The following FRMD4A variants were observed in gnomAD, a reference collection of about 807,000 sequenced individuals.
The protein encoded by FRMD4A is FERM domain containing 4A, also known as FERM domain-containing protein 4A.
Under a neutral mutation model 129.1 loss-of-function variants are expected in FRMD4A, and 29 were observed. The ratio of observed to expected loss-of-function variants is 0.22; its 90% CI spans 0.17 to 0.31. The LOEUF (loss-of-function observed/expected upper bound fraction) is 0.31. Ranked by LOEUF, FRMD4A falls within the 10% of genes least tolerant of loss-of-function variation. FRMD4A has a pLI of 1.00. For synonymous variants in FRMD4A, 634 were observed against 571.6 expected (o/e 1.11, Z -1.56); for missense variants, 1,272 against 1,375.8 (o/e 0.92, Z 1.19).
chr10:13,747,633 G>A lies in FRMD4A; in HGVS notation c.548+103C>T, dbSNP rs1427364179. The A allele has an allele frequency of 8.9e-5, 59 of 665,912 alleles. No individual in the cohort carries two copies. The South Asian group carries it at 1.0e-3, about 12-fold the overall frequency. 41.3% of individuals were successfully genotyped at this position (665,912 alleles called of 1,614,324 possible). ...GTACTTAATACAGCTGCAAGTCCAGGCTGGCACGTGGGAGCTGGTGGAGGG... is the reference window on the plus strand; with the variant it reads ...GTACTTAATACAGCTGCAAGTCCAGACTGGCACGTGGGAGCTGGTGGAGGG... On this transcript the variant is annotated intron_variant, in intron 9 of 24. Coordinates refer to ENST00000357447, the MANE Select transcript of FRMD4A (RefSeq NM_018027.5).
intron 6 of FRMD4A, among the ~76,000 whole-genome samples, chr10:13,775,804 C>G (rs559376024): frequency 2.6e-5 from 4 of 152,130 alleles, no homozygotes; most frequent in Non-Finnish European, 5.9e-5. Context: ...CAAAGAGGAA[C>G]GAGAACTACC....
intron 2 of FRMD4A, among the ~76,000 whole-genome samples, chr10:14,000,589 G>A (rs1275379206): frequency 8.5e-6 from 1 of 117,450 alleles, no homozygotes; most frequent in African/African-American, 3.2e-5. Flanking sequence ...GGAGGTTGCA[G>A]TAAGCTAAAA....
intron 2 of FRMD4A, among the ~76,000 whole-genome samples, chr10:14,282,624 T>C (rs1488630460): frequency 9.3e-4 from 1 of 1,080 alleles, no homozygotes; most frequent in Non-Finnish European, 1.7e-3. Context: ...TCTGAAAAAG[T>C]GTGGGGGACC....
intron 2 of FRMD4A, among the ~76,000 whole-genome samples, chr10:14,258,676 T>C (rs995226319): frequency 3.3e-5 from 5 of 152,216 alleles, no homozygotes; most frequent in African/African-American, 9.6e-5. Context: ...AGGTATTTAC[T>C]TAAAAATGAA....
chr10:14,062,975 G>A (rs1834883935), intron 2 of FRMD4A, among the ~76,000 whole-genome samples: 1 of 152,194 alleles, frequency 6.6e-6, no homozygotes, highest in South Asian at 2.1e-4. Context: ...TTTGCCTATA[G>A]AGACAAAATG....
At chr10:13,999,991 T>C (rs551684323) in intron 2 of FRMD4A, among the ~76,000 whole-genome samples, 1 of 152,364 alleles carries the variant, frequency 6.6e-6, no homozygotes, top group East Asian at 1.9e-4. Context: ...CACTTGTTTA[T>C]CCTATCTTTA....
chr10:13,695,768 C>G (rs11258533), intron 14 of FRMD4A, among the ~76,000 whole-genome samples: 1 of 152,078 alleles, frequency 6.6e-6, no homozygotes, highest in African/African-American at 2.4e-5. Flanking sequence ...GGCATGGGGG[C>G]GGTGGTGAAG....
chr10:13,728,859 A>C (rs1014479538), intron 12 of FRMD4A, among the ~76,000 whole-genome samples: 65 of 152,196 alleles, frequency 4.3e-4, no homozygotes, highest in Non-Finnish European at 7.9e-4. Context: ...GGTGTGAGCC[A>C]CCGTGCCCAG....
chr10:13,840,715 G>T (rs751260980), intron 3 of FRMD4A, among the ~76,000 whole-genome samples: 19 of 146,552 alleles, frequency 1.3e-4, no homozygotes, highest in Non-Finnish European at 2.2e-4. Context: ...TTGAACCCAG[G>T]GGGTGGAGGT....
chr10:13,706,582 C>T lies in FRMD4A; in HGVS notation c.836+455G>A, dbSNP rs574377287. ...AGCACAACTGCTTTGGTGACAAATT[C>T]ATTTTCGCATTGACCGTCCTGCCTG... On this transcript the variant is annotated intron_variant, in intron 13 of 24. Coordinates refer to ENST00000357447, the MANE Select transcript of FRMD4A (RefSeq NM_018027.5). Among the ~76,000 whole-genome samples, 7 of 152,292 alleles carry T rather than the reference C, an allele frequency of 4.6e-5. No homozygotes were observed. The South Asian group carries it at 1.5e-3, about 32-fold the overall frequency.
intron 6 of FRMD4A, among the ~76,000 whole-genome samples, chr10:13,780,436 G>T (rs2092705818): frequency 6.6e-6 from 1 of 152,138 alleles, no homozygotes; most frequent in Admixed American, 6.6e-5. Flanking sequence ...AGGCATTTTG[G>T]GTCATCCCAC....
intron 2 of FRMD4A, among the ~76,000 whole-genome samples, chr10:14,089,640 C>CAAAAA (rs759243260): frequency 4.3e-5 from 3 of 70,274 alleles, no homozygotes; most frequent in South Asian, 4.3e-4. Flanking sequence ...CAAAAAAAAA[C>CAAAAA]AAACAAAAAA....
intron 2 of FRMD4A, among the ~76,000 whole-genome samples, chr10:14,153,460 C>T (rs1840441756): frequency 6.6e-6 from 1 of 152,136 alleles, no homozygotes; most frequent in African/African-American, 2.4e-5. Flanking sequence ...ACAGATGGAG[C>T]CACAGGAACC....
intron 2 of FRMD4A, among the ~76,000 whole-genome samples, chr10:14,308,778 TC>T (rs34488118): frequency 0.04 from 6,020 of 152,216 alleles, 151 homozygotes; most frequent in Non-Finnish European, 0.058. Flanking sequence ...TACAAACCAG[TC>T]CCCCATAATC....
At chr10:13,670,580 T>C in intron 16 of FRMD4A, 52 bp from the exon 17 acceptor site, 1 of 1,597,804 alleles carries the variant, frequency 6.3e-7, no homozygotes, top group Non-Finnish European at 8.6e-7. Context: ...GTGGGGCGTG[T>C]CTGCTTCCTA....
intron 21 of FRMD4A, 92 bp from the exon 22 acceptor site, chr10:13,657,614 G>C (rs977714364): frequency 7.0e-7 from 1 of 1,435,846 alleles, no homozygotes; most frequent in Non-Finnish European, 9.1e-7. Flanking sequence ...GAGGGCACTG[G>C]GTGTCTGCAC....
chr10:13,890,021 A>G (rs139310954), intron 2 of FRMD4A, among the ~76,000 whole-genome samples: 2 of 152,348 alleles, frequency 1.3e-5, no homozygotes, highest in Admixed American at 6.5e-5. Context: ...CCTTTGCAAC[A>G]GAATGGATCT....
chr10:13,666,272 C>A lies in FRMD4A; in HGVS notation c.1428G>T (p.Thr476=), dbSNP rs149660512. The A allele has an allele frequency of 3.7e-6, 6 of 1,614,092 alleles. No individual in the cohort carries two copies. The South Asian group carries it at 6.6e-5, about 18-fold the overall frequency. Residue 476 remains threonine, a synonymous_variant, in exon 18 of 25, where the codon ACG becomes ACT. Coordinates refer to ENST00000357447, the MANE Select transcript of FRMD4A (RefSeq NM_018027.5). ...CACTGGCTAGGCGGCGGGCGGCCTCCGTAATCTGGGACTGAATGGCAAACT... is the reference window on the plus strand; with the variant it reads ...CACTGGCTAGGCGGCGGGCGGCCTCAGTAATCTGGGACTGAATGGCAAACT... ...EREFAIQSQI[T]EAARRLASDP...
intron 2 of FRMD4A, among the ~76,000 whole-genome samples, chr10:14,185,774 A>C (rs1564372120): frequency 6.6e-6 from 1 of 152,180 alleles, no homozygotes. Context: ...CCAAAGCAAC[A>C]GATACGTACA....
Sources: allele counts gnomAD v4.1 joint callset (sites outside exome capture counted in the v4.1 genomes callset), GRCh38; gene constraint gnomAD v4.1.1; transcripts MANE v1.5; gene names NCBI Gene and HGNC (gene_info 2026-07-23, HGNC 2026-07-21).